Variants in LIFR observed in about 807,000 individuals in gnomAD.
LIFR encodes the protein leukemia inhibitory factor receptor.
LIFR carries 84 observed loss-of-function variants against 122.2 expected under a neutral mutation model. The ratio of observed to expected loss-of-function variants is 0.69; its 90% CI spans 0.58 to 0.82. LIFR has a LOEUF of 0.82. Among genes scored for constraint, LIFR ranks in the 40% least tolerant of loss-of-function variants. LIFR has a pLI of 0.00. For synonymous variants in LIFR, 422 were observed against 434.7 expected (o/e 0.97, Z 0.36); for missense variants, 1,294 against 1,311.6 (o/e 0.99, Z 0.21).
intron 7 of LIFR, among the ~76,000 whole-genome samples, chr5:38,508,599 C>T (rs908311712): frequency 1.4e-4 from 21 of 150,532 alleles, no homozygotes; most frequent in African/African-American, 2.4e-4. Context: ...TTTTTTGAGA[C>T]GGAGTCTCGC....
intron 1 of LIFR, among the ~76,000 whole-genome samples, chr5:38,539,519 T>A (rs1747472452): frequency 1.3e-5 from 2 of 152,206 alleles, no homozygotes; most frequent in African/African-American, 4.8e-5. Context: ...AATAGAGTCC[T>A]CGGTGAGGAC....
chr5:38,587,937 G>A (rs1488453505), intron 1 of LIFR, among the ~76,000 whole-genome samples: 1 of 152,178 alleles, frequency 6.6e-6, no homozygotes, highest in Non-Finnish European at 1.5e-5. Context: ...GCCCTGGCCT[G>A]GAGATATGCC....
intron 1 of LIFR, among the ~76,000 whole-genome samples, chr5:38,584,410 G>A (rs772787899): frequency 1.3e-5 from 2 of 151,964 alleles, no homozygotes; most frequent in Non-Finnish European, 2.9e-5. Context: ...GTTCATTGTG[G>A]TACTGTTCCA....
At chr5:38,521,499 G>A (rs890511293) in intron 5 of LIFR, among the ~76,000 whole-genome samples, 11 of 152,130 alleles carry the variant, frequency 7.2e-5, no homozygotes, top group African/African-American at 9.7e-5. Flanking sequence ...TTTGGGTCCC[G>A]GCAGTGGAAG....
intron 12 of LIFR, 72 bp downstream of exon 12, chr5:38,499,441 C>T: frequency 9.5e-7 from 1 of 1,050,946 alleles, no homozygotes; most frequent in Admixed American, 1.7e-5. Flanking sequence ...TCCTTGATAA[C>T]CCAAGTACCA....
rs774068892 is a variant in LIFR, at chr5:38,493,774, T to G, written c.1897A>C (p.Ile633Leu). The change falls in exon 14 of 20, where the codon ATA becomes CTA. Residue 633 changes from isoleucine (I) to leucine (L), a missense_variant. By Grantham distance (5) the Ile-to-Leu change is conservative. Coordinates refer to ENST00000453190, the MANE Select transcript of LIFR (RefSeq NM_001127671.2). Reference sequence around the variant, plus strand: ...TTTCCCATCCCAACAACTTGTTCTATTTTGAGATCATCTTCAATAAGAAAG... The same window carrying G: ...TTTCCCATCCCAACAACTTGTTCTAGTTTGAGATCATCTTCAATAAGAAAG... Reference protein sequence around the residue: ...SMEIPNDDLKIEQVVGMGKGI... With the variant: ...SMEIPNDDLKLEQVVGMGKGI... 1.9e-6 allele frequency: 3 copies of G among 1,613,962 alleles called. No homozygotes were observed. The highest frequency in any genetic ancestry group is 2.5e-6 in the Non-Finnish European group (3 of 1,179,802).
chr5:38,522,398 G>A (rs1447211381), intron 5 of LIFR, among the ~76,000 whole-genome samples: 2 of 152,216 alleles, frequency 1.3e-5, no homozygotes, highest in African/African-American at 2.4e-5. Context: ...TATTTGAAGT[G>A]TGAAGATCTA....
At position 38,489,097 on chromosome 5, in the gene LIFR, C is replaced by T; in HGVS notation, c.2316G>A (p.Lys772=). 1 of 1,613,040 alleles carries T rather than the reference C, an allele frequency of 6.2e-7. No homozygotes were observed. The highest frequency in any genetic ancestry group is 2.2e-5 in the East Asian group (1 of 44,764). Residue 772 remains lysine, a synonymous_variant, in exon 16 of 20, where the codon AAG becomes AAA. Transcript: ENST00000453190. ...YFGKGERDTS[K]MRVLESGRSD... is the part of the protein sequence containing the mutation. ...ACTCACCTGATTCTAAAACCCTCAT[C>T]TTAGATGTGTCTCTTTCTCCTTTTC...
intron 10 of LIFR, 30 bp from the exon 11 acceptor site, chr5:38,502,829 T>C (rs1454809094): frequency 4.8e-6 from 6 of 1,257,818 alleles, no homozygotes; most frequent in African/African-American, 1.5e-5. Flanking sequence ...TATATATATA[T>C]GTATATATTA....
chr5:38,530,524 C>G lies in LIFR; in HGVS notation c.124G>C (p.Val42Leu). 6.2e-7 allele frequency: 1 copy of G among 1,612,852 alleles called. No individual in the cohort carries two copies. The highest frequency in any genetic ancestry group is 8.5e-7 in the Non-Finnish European group (1 of 1,178,868). Residue 42 changes from valine to leucine, a missense_variant, in exon 2 of 20, where the codon GTA becomes CTA. Physicochemically the swap from Val to Leu is conservative, Grantham distance 32. Coordinates refer to ENST00000453190, the MANE Select transcript of LIFR (RefSeq NM_001127671.2). Reference protein sequence around the residue: ...TFILLYLMNQVNSQKKGAPHD... With the variant: ...TFILLYLMNQLNSQKKGAPHD... The stretch of plus-strand genomic sequence containing the variant: ...CACTTACCCTTTTTCTGGCTATTTA[C>G]TTGATTCATTAGATATAGAAGAATA...
At position 38,478,089 on chromosome 5, in the gene LIFR, A is replaced by G. The variant is rs1040606016; in HGVS notation, c.*3506T>C. 4.8e-6 allele frequency: 1 copy of G among 208,408 alleles called. No individual in the cohort carries two copies. The highest frequency in any genetic ancestry group is 9.8e-6 in the Non-Finnish European group (1 of 102,366). The allele number at this position is 208,408 out of a possible 1,614,324, so 12.9% of individuals were successfully genotyped here. On this transcript the variant is annotated 3_prime_UTR_variant, in exon 20 of 20. Transcript: ENST00000453190. ...TTTTAAATTCCCTTTGGAAGAAAACATCCCCTAGTCTCCTTCACTAAATTA... is the reference window on the plus strand; with the variant it reads ...TTTTAAATTCCCTTTGGAAGAAAACGTCCCCTAGTCTCCTTCACTAAATTA...
At chr5:38,588,247 T>G (rs1749811768) in intron 1 of LIFR, among the ~76,000 whole-genome samples, 1 of 152,162 alleles carries the variant, frequency 6.6e-6, no homozygotes, top group Non-Finnish European at 1.5e-5. Context: ...AAGTTCTAGG[T>G]TGAGAGGCCT....
upstream of LIFR, among the ~76,000 whole-genome samples, chr5:38,599,780 A>T (rs1246836994): frequency 6.6e-6 from 1 of 152,210 alleles, no homozygotes; most frequent in African/African-American, 2.4e-5. Flanking sequence ...CTCCATCATT[A>T]AACTTCTGGA....
intron 1 of LIFR, among the ~76,000 whole-genome samples, chr5:38,547,532 T>C (rs1294478990): frequency 2.0e-5 from 3 of 152,164 alleles, no homozygotes; most frequent in African/African-American, 4.8e-5. Context: ...AGCTCAGTAT[T>C]TGTCATAGAT....
rs534286563 is a variant in LIFR at position 38,481,280 on chromosome 5, T to C, written c.*315A>G. ...GAACAGAAAACAGTTGCGGCGGGAT[T>C]TGTTTTACATGTACGTACAAGTAGG... On this transcript the variant is annotated 3_prime_UTR_variant, in exon 20 of 20. Transcript: ENST00000453190. 1.5e-5 allele frequency: 6 copies of C among 407,426 alleles called. No individual in the cohort carries two copies. The East Asian group carries it at 2.5e-4, about 17-fold the overall frequency. The allele number at this position is 407,426 out of a possible 1,614,324, so 25.2% of individuals were successfully genotyped here.
At position 38,496,840 on chromosome 5, in the gene LIFR, G is replaced by A. The variant is rs1419622154; in HGVS notation, c.1672-245C>T. Among the ~76,000 whole-genome samples, 40 of 152,006 alleles carry A rather than the reference G, an allele frequency of 2.6e-4. 1 individual carries two copies. Among genetic ancestry groups the A allele is most frequent in the Non-Finnish European group, 5.9e-5 (4 of 68,016 alleles). On this transcript the variant is annotated intron_variant, in intron 12 of 19. Transcript: ENST00000453190. ...AAAAATACTAAAATTAACCAGGTGTGGTGGTGAGCGCCTGTAATCCCAGCT... is the reference window on the plus strand; with the variant it reads ...AAAAATACTAAAATTAACCAGGTGTAGTGGTGAGCGCCTGTAATCCCAGCT...
chr5:38,562,852 G>A (rs1395881826), intron 1 of LIFR, among the ~76,000 whole-genome samples: 1 of 152,212 alleles, frequency 6.6e-6, no homozygotes, highest in African/African-American at 2.4e-5. Flanking sequence ...AGAATTTTCA[G>A]TGGTTACACA....
intron 1 of LIFR, chr5:38,550,213 A>G: frequency 4.2e-6 from 4 of 949,584 alleles, no homozygotes; most frequent in Non-Finnish European, 5.0e-6. Flanking sequence ...AAAATCCTCC[A>G]GTTGATTAGA....
rs199649159 is a variant in LIFR at position 38,606,659 on chromosome 5, GTTTTAT to G, written n.204-359_204-354del. Among the ~76,000 whole-genome samples, 351 of 152,306 alleles carry G rather than the reference GTTTTAT, an allele frequency of 2.3e-3. 9 individuals carry two copies. In the East Asian group the frequency reaches 0.04, roughly 17 times the overall value. On this transcript the variant is annotated intron_variant and non_coding_transcript_variant, in intron 1 of 3. Transcript: ENST00000507786. ...ACTAGAAGGTGGGCATTATTTCCAT[GTTTTAT>G]TGAGTAAACAGGCTCAGAGGTTAAC...
Sources: allele counts gnomAD v4.1 joint callset (sites outside exome capture counted in the v4.1 genomes callset), GRCh38; gene constraint gnomAD v4.1.1; transcripts MANE v1.5; gene names NCBI Gene and HGNC (gene_info 2026-07-23, HGNC 2026-07-21).